CREBL2: variants seen among roughly 807,000 people sequenced by gnomAD.
CREBL2 encodes cAMP responsive element binding protein like 2.
A neutral mutation model predicts 19.5 loss-of-function variants in CREBL2; 4 were observed. That is an observed-to-expected ratio of 0.20 (90% CI 0.10 to 0.47). CREBL2 has a LOEUF of 0.47. Among genes scored for constraint, CREBL2 ranks in the 20% least tolerant of loss-of-function variants. The pLI is 0.98. For missense variants in CREBL2, 85 were observed against 145.1 expected (o/e 0.59, Z 2.13); for synonymous variants, 42 against 46.6 (o/e 0.90, Z 0.40).
chr12:12,618,875 C>CA (rs1404432289), intron 1 of CREBL2, among the ~76,000 whole-genome samples: 2 of 152,140 alleles, frequency 1.3e-5, no homozygotes, highest in Non-Finnish European at 2.9e-5. Context: ...CCGTCTCCAC[C>CA]AAAAAATACA....
intron 3 of CREBL2, among the ~76,000 whole-genome samples, chr12:12,641,635 T>C (rs918367699): frequency 6.6e-6 from 1 of 152,128 alleles, no homozygotes; most frequent in Admixed American, 6.6e-5. Context: ...GTTTTCAGTA[T>C]TTTTTACAAA....
intron 1 of CREBL2, among the ~76,000 whole-genome samples, chr12:12,620,684 T>C (rs1463176785): frequency 2.0e-5 from 3 of 152,256 alleles, no homozygotes; most frequent in African/African-American, 7.2e-5. Flanking sequence ...TAAATAACCT[T>C]ATTCAGAATG....
At chr12:12,616,918 A>G (rs1945315793) in intron 1 of CREBL2, among the ~76,000 whole-genome samples, 1 of 152,236 alleles carries the variant, frequency 6.6e-6, no homozygotes, top group Non-Finnish European at 1.5e-5. Context: ...CAGAGTAGGC[A>G]GGAACAGCAG....
chr12:12,629,947 C>G (rs1488244810), intron 1 of CREBL2, among the ~76,000 whole-genome samples: 1 of 152,020 alleles, frequency 6.6e-6, no homozygotes, highest in African/African-American at 2.4e-5. Context: ...AACATTTATT[C>G]TTGAGATAAA....
At chr12:12,637,356 C>T (rs145925498) in intron 2 of CREBL2, among the ~76,000 whole-genome samples, 192 of 152,048 alleles carry the variant, frequency 1.3e-3, no homozygotes, top group African/African-American at 3.9e-3. Flanking sequence ...GCAGTTTTTC[C>T]GCCTCTTCTG....
chr12:12,620,769 G>A (rs1032200623), intron 1 of CREBL2, among the ~76,000 whole-genome samples: 1 of 152,150 alleles, frequency 6.6e-6, no homozygotes, highest in Admixed American at 6.5e-5. Flanking sequence ...TGATATGTAC[G>A]AGGCATTGTG....
intron 1 of CREBL2, among the ~76,000 whole-genome samples, chr12:12,614,063 G>A (rs949887225): frequency 7.0e-6 from 1 of 143,190 alleles, no homozygotes; most frequent in Non-Finnish European, 1.5e-5. Flanking sequence ...GCACGATCTC[G>A]GCTCACTGCC....
At chr12:12,626,426 T>C (rs1459365399) in intron 1 of CREBL2, among the ~76,000 whole-genome samples, 2 of 152,232 alleles carry the variant, frequency 1.3e-5, no homozygotes, top group Non-Finnish European at 2.9e-5. Context: ...TAGAACCTTA[T>C]GCTTGACCCC....
chr12:12,618,479 C>G (rs188955414), intron 1 of CREBL2, among the ~76,000 whole-genome samples: 2 of 151,596 alleles, frequency 1.3e-5, no homozygotes, highest in Admixed American at 1.3e-4. Context: ...GTTGGGCGGC[C>G]GGGCAGAGAC....
intron 3 of CREBL2, among the ~76,000 whole-genome samples, chr12:12,641,542 C>A (rs1011453220): frequency 3.9e-4 from 60 of 152,114 alleles, no homozygotes; most frequent in African/African-American, 1.4e-3. Flanking sequence ...CTCCTGACTT[C>A]AGGTAATTCA....
chr12:12,633,958 A>G (rs1182121512), intron 1 of CREBL2, among the ~76,000 whole-genome samples: 1 of 152,232 alleles, frequency 6.6e-6, no homozygotes, highest in Non-Finnish European at 1.5e-5. Context: ...GACACTAAAG[A>G]TATAAAATGT....
At chr12:12,641,253 A>ATTATTTTTTTTTTTTTTTTTTTT (rs1478394376) in intron 3 of CREBL2, among the ~76,000 whole-genome samples, 3 of 78,244 alleles carry the variant, frequency 3.8e-5, no homozygotes, top group Non-Finnish European at 7.5e-5. Flanking sequence ...TATTATTATT[A>ATTATTTTTTTTTTTTTTTTTTTT]TTTTTTTTTA....
chr12:12,642,758 A>G lies in CREBL2; in HGVS notation c.*760A>G, dbSNP rs770169138. 2.6e-5 allele frequency: 4 copies of G among 152,280 alleles called. No homozygotes were observed. Among genetic ancestry groups the G allele is most frequent in the Non-Finnish European group, 5.9e-5 (4 of 68,028 alleles). The allele number at this position is 152,280 out of a possible 1,614,324, so 9.4% of individuals were successfully genotyped here. On this transcript the variant is annotated 3_prime_UTR_variant, in exon 4 of 4. Coordinates refer to ENST00000228865, the MANE Select transcript of CREBL2 (RefSeq NM_001310.4). ...ATCCATACTTGCAGAATAATTCATCAAATTTTATTTTTAAGTGAAAAGTAA... is the reference window on the plus strand; with the variant it reads ...ATCCATACTTGCAGAATAATTCATCGAATTTTATTTTTAAGTGAAAAGTAA...
chr12:12,629,263 C>T (rs1223357422), intron 1 of CREBL2, among the ~76,000 whole-genome samples: 1 of 152,140 alleles, frequency 6.6e-6, no homozygotes, highest in Non-Finnish European at 1.5e-5. Flanking sequence ...GGCTGCCTTT[C>T]CATTTATCAG....
intron 2 of CREBL2, among the ~76,000 whole-genome samples, chr12:12,636,313 T>C (rs1488608146): frequency 6.6e-6 from 1 of 152,228 alleles, no homozygotes; most frequent in Non-Finnish European, 1.5e-5. Flanking sequence ...TATTTACTGA[T>C]GTAGAAAGAT....
intron 1 of CREBL2, among the ~76,000 whole-genome samples, chr12:12,620,919 G>A (rs1040613719): frequency 6.6e-6 from 1 of 152,170 alleles, no homozygotes; most frequent in East Asian, 1.9e-4. Flanking sequence ...AAGTTCTTTT[G>A]GGGCAGTAAG....
rs1173090053 is a variant in CREBL2 at position 12,612,159 on chromosome 12, G to A, written c.-14G>A. On this transcript the variant is annotated 5_prime_UTR_variant, in exon 1 of 4. Transcript: ENST00000228865. Reference sequence around the variant, plus strand: ...CGGGAGGGAGTGCCTGGCCAGGCCGGCCTGTCTGCCGCGATGGATGACAGT... The same window carrying A: ...CGGGAGGGAGTGCCTGGCCAGGCCGACCTGTCTGCCGCGATGGATGACAGT... 6.2e-7 allele frequency: 1 copy of A among 1,612,314 alleles called. No homozygotes were observed. Among genetic ancestry groups the A allele is most frequent in the Non-Finnish European group, 8.5e-7 (1 of 1,180,008 alleles).
intron 3 of CREBL2, among the ~76,000 whole-genome samples, chr12:12,638,784 G>A (rs1024841702): frequency 6.6e-6 from 1 of 152,156 alleles, no homozygotes. Context: ...CCTAATCCAG[G>A]CTGTCTAGTG....
intron 1 of CREBL2, among the ~76,000 whole-genome samples, chr12:12,625,330 C>A (rs1259625758): frequency 2.6e-5 from 4 of 152,142 alleles, no homozygotes; most frequent in African/African-American, 9.7e-5. Flanking sequence ...ACATTGGCAT[C>A]ACTTTAGTGG....
Sources: allele counts gnomAD v4.1 joint callset (sites outside exome capture counted in the v4.1 genomes callset), GRCh38; gene constraint gnomAD v4.1.1; transcripts MANE v1.5; gene names NCBI Gene and HGNC (gene_info 2026-07-23, HGNC 2026-07-21).